The following WDFY3 variants were observed in gnomAD, a reference collection of about 807,000 sequenced individuals.
WDFY3 encodes WD repeat and FYVE domain-containing protein 3.
Under a neutral mutation model 409.6 loss-of-function variants are expected in WDFY3, and 66 were observed. That is an observed-to-expected ratio of 0.16 (90% CI 0.13 to 0.20). The LOEUF (loss-of-function observed/expected upper bound fraction) is 0.20, where lower values mean the gene tolerates loss of function less well. Among genes scored for constraint, WDFY3 ranks in the 10% least tolerant of loss-of-function variants. WDFY3 has a pLI of 1.00. For synonymous variants in WDFY3, 1,521 were observed against 1,537.1 expected (o/e 0.99, Z 0.25); for missense variants, 3,031 against 4,298.1 (o/e 0.71, Z 8.24).
rs113882515 is a variant in WDFY3 at position 84,772,852 on chromosome 4, T to C, written c.4832A>G (p.Glu1611Gly). The change falls in exon 30 of 68, where the codon GAA (glutamate) becomes GGA (glycine). Residue 1611 changes from glutamate to glycine, a missense_variant. By Grantham distance (98) the Glu-to-Gly change is moderately conservative. Transcript: ENST00000295888. The stretch of plus-strand genomic sequence containing the variant: ...CAACTTACCAGTGTCAAGCTTCTCT[T>C]CATTATTTATTTCCATTACTACAAA... ...EKFVVMEINNEEKLDTGTEEE... is the reference protein window; with the variant it reads ...EKFVVMEINNGEKLDTGTEEE... 4 of 1,611,382 alleles carry C rather than the reference T, an allele frequency of 2.5e-6. No individual in the cohort carries two copies. Among genetic ancestry groups the C allele is most frequent in the Non-Finnish European group, 1.7e-6 (2 of 1,178,948 alleles).
intron 15 of WDFY3, 21 bp downstream of exon 15, chr4:84,808,313 C>A (rs751518043): frequency 6.3e-7 from 1 of 1,592,422 alleles, no homozygotes; most frequent in Non-Finnish European, 8.6e-7. Context: ...TAGAGACTGA[C>A]TTCTCTTATA....
intron 30 of WDFY3, among the ~76,000 whole-genome samples, chr4:84,772,171 T>A (rs1744787497): frequency 6.6e-6 from 1 of 152,142 alleles, no homozygotes; most frequent in Non-Finnish European, 1.5e-5. Flanking sequence ...TGAACAAATA[T>A]AAGATTCTGA....
rs1302777083 is a variant in WDFY3 at position 84,966,554 on chromosome 4, C to G, written c.-571G>C. Among the ~76,000 whole-genome samples the G allele has an allele frequency of 6.6e-6, 1 of 151,966 alleles. No homozygotes were observed. Among genetic ancestry groups the G allele is most frequent in the Non-Finnish European group, 1.5e-5 (1 of 67,964 alleles). On this transcript the variant is annotated 5_prime_UTR_variant, in exon 1 of 68. Coordinates refer to ENST00000295888, the MANE Select transcript of WDFY3 (RefSeq NM_014991.6). ...CTCAGCCTCGGCGCTCCTCGGGTTTCTTCTCTCCATCAAGGCCGGGCCGAC... is the reference window on the plus strand; with the variant it reads ...CTCAGCCTCGGCGCTCCTCGGGTTTGTTCTCTCCATCAAGGCCGGGCCGAC...
chr4:84,788,678 C>T (rs190750244), intron 22 of WDFY3, among the ~76,000 whole-genome samples: 1 of 152,304 alleles, frequency 6.6e-6, no homozygotes, highest in Non-Finnish European at 1.5e-5. Flanking sequence ...GGTTTCAGTG[C>T]TTTTCAAACT....
At chr4:84,714,369 C>G (rs1211608306) in intron 50 of WDFY3, among the ~76,000 whole-genome samples, 1 of 152,180 alleles carries the variant, frequency 6.6e-6, no homozygotes, top group Admixed American at 6.5e-5. Context: ...CTTGGCCTCA[C>G]AAAGTGCTAA....
Position 84,821,112 on chromosome 4 carries a change from C to G in WDFY3, c.1563G>C (p.Lys521Asn). The G allele has an allele frequency of 6.2e-7, 1 of 1,612,612 alleles. No homozygotes were observed. Among genetic ancestry groups the G allele is most frequent in the Non-Finnish European group, 8.5e-7 (1 of 1,179,372 alleles). The change falls in exon 11 of 68, where the codon AAG (lysine) becomes AAC (asparagine). Residue 521 changes from lysine to asparagine, a missense_variant. Around this residue, in one of 16 missense-constraint regions of WDFY3, gnomAD observed 1,322 missense variants for 1,697.9 expected, o/e 0.78. Coordinates refer to ENST00000295888, the MANE Select transcript of WDFY3 (RefSeq NM_014991.6). ...NLLHKYAALLKDPTQALNEQG... is the reference protein window; with the variant it reads ...NLLHKYAALLNDPTQALNEQG... ...GTTCATTTAGTGCCTGAGTTGGATC[C>G]TTCAACAGGGCAGCATATTTATGCA...
intron 50 of WDFY3, among the ~76,000 whole-genome samples, chr4:84,713,440 C>A (rs1578217680): frequency 6.6e-6 from 1 of 152,220 alleles, no homozygotes; most frequent in East Asian, 1.9e-4. Flanking sequence ...AACAATAGCA[C>A]CTTTAGAAAT....
At chr4:84,680,180 C>T (rs1486025304) in intron 64 of WDFY3, among the ~76,000 whole-genome samples, 1 of 152,190 alleles carries the variant, frequency 6.6e-6, no homozygotes, top group Admixed American at 6.5e-5. Flanking sequence ...TGGGCCACCA[C>T]ACCCAGCTAT....
At chr4:84,784,352 T>C (rs887799410) in intron 24 of WDFY3, among the ~76,000 whole-genome samples, 2 of 152,174 alleles carry the variant, frequency 1.3e-5, no homozygotes, top group Non-Finnish European at 2.9e-5. Context: ...TGATGTCTAA[T>C]ACACTTCTCA....
chr4:84,733,706 A>G, intron 43 of WDFY3, 97 bp from the exon 44 acceptor site: 1 of 1,140,126 alleles, frequency 8.8e-7, no homozygotes, highest in Non-Finnish European at 1.3e-6. Flanking sequence ...TTTGGAAACA[A>G]ACACAATCCA....
intron 3 of WDFY3, among the ~76,000 whole-genome samples, chr4:84,862,447 T>C (rs1760775966): frequency 6.6e-6 from 1 of 152,326 alleles, no homozygotes; most frequent in East Asian, 1.9e-4. Flanking sequence ...TTGAAAAATA[T>C]GTTTTCCAAA....
intron 11 of WDFY3, among the ~76,000 whole-genome samples, chr4:84,820,873 C>T (rs1189824695): frequency 6.6e-6 from 1 of 152,044 alleles, no homozygotes; most frequent in Non-Finnish European, 1.5e-5. Flanking sequence ...CTCTCCAATA[C>T]ACTCACATAA....
chr4:84,780,661 G>C (rs1450430384), intron 25 of WDFY3, among the ~76,000 whole-genome samples: 1 of 152,042 alleles, frequency 6.6e-6, no homozygotes, highest in African/African-American at 2.4e-5. Flanking sequence ...CTACACAGGA[G>C]GCTGAGGCAG....
At chr4:84,697,306 C>T (rs1328039335) in intron 56 of WDFY3, among the ~76,000 whole-genome samples, 1 of 152,186 alleles carries the variant, frequency 6.6e-6, no homozygotes, top group Admixed American at 6.5e-5. Context: ...TTTCTCATAT[C>T]GCTGACTCTT....
At chr4:84,688,404 G>C (rs1728680530) in intron 61 of WDFY3, 139 bp from the exon 62 acceptor site, 3 of 814,102 alleles carry the variant, frequency 3.7e-6, no homozygotes. Flanking sequence ...GGTGTCTGGA[G>C]AGTCTGGAAG....
chr4:84,832,905 GT>G (rs1025109989), intron 7 of WDFY3, among the ~76,000 whole-genome samples: 1 of 151,700 alleles, frequency 6.6e-6, no homozygotes, highest in African/African-American at 2.4e-5. Flanking sequence ...AAAAAGGACA[GT>G]TTTAGAAAAA....
intron 1 of WDFY3, among the ~76,000 whole-genome samples, chr4:84,944,634 G>C (rs1341560010): frequency 6.7e-6 from 1 of 150,180 alleles, no homozygotes; most frequent in Non-Finnish European, 1.5e-5. Flanking sequence ...GGCCAGCCTG[G>C]TCAACATGGT....
At chr4:84,698,275 A>AATATAT (rs1208765499) in intron 56 of WDFY3, among the ~76,000 whole-genome samples, 7 of 148,082 alleles carry the variant, frequency 4.7e-5, no homozygotes, top group African/African-American at 1.5e-4. Context: ...AATTCTATAT[A>AATATAT]ATATATATAT....
At chr4:84,828,585 C>G (rs1203108987) in intron 9 of WDFY3, among the ~76,000 whole-genome samples, 1 of 152,172 alleles carries the variant, frequency 6.6e-6, no homozygotes, top group Non-Finnish European at 1.5e-5. Flanking sequence ...CACTTTTCCA[C>G]TCTGTTGGCA....
Sources: allele counts gnomAD v4.1 joint callset (sites outside exome capture counted in the v4.1 genomes callset), GRCh38; gene constraint gnomAD v4.1.1; regional missense constraint gnomAD v4.1.1; transcripts MANE v1.5; gene names NCBI Gene and HGNC (gene_info 2026-07-23, HGNC 2026-07-21).